ZNF578: variants seen among roughly 807,000 people sequenced by gnomAD.
ZNF578 encodes the protein Putative chemokine-related protein B42.
A neutral mutation model predicts 8.3 loss-of-function variants in ZNF578; 8 were observed. The observed-to-expected ratio is 0.96, with a 90% confidence interval of 0.56 to 1.74. The LOEUF is 1.74. Ranked by LOEUF, ZNF578 falls within the 40% of genes most tolerant of loss-of-function variation. ZNF578 has a pLI of 0.00. For missense variants in ZNF578, 726 were observed against 707.5 expected, an observed-to-expected ratio of 1.03 and a Z score of -0.30; for synonymous variants, 206 against 232.2, an observed-to-expected ratio of 0.89 and a Z score of 1.03.
At position 52,512,476 on chromosome 19, in the gene ZNF578, G is replaced by T; in HGVS notation, c.*322G>T. ...TTTCAGACATCGTTCATACCTTGCAGTTCATCAGTGAACTCATACTGGAGA... is the reference window on the plus strand; with the variant it reads ...TTTCAGACATCGTTCATACCTTGCATTTCATCAGTGAACTCATACTGGAGA... On this transcript the variant is annotated 3_prime_UTR_variant, in exon 6 of 6. Coordinates refer to ENST00000421239, the MANE Select transcript of ZNF578 (RefSeq NM_001099694.2). The T allele has an allele frequency of 7.9e-7, 1 of 1,260,972 alleles. No homozygotes were observed. Among genetic ancestry groups the T allele is most frequent in the Non-Finnish European group, 1.1e-6 (1 of 883,540 alleles). The allele number at this position is 1,260,972 out of a possible 1,614,324, so 78.1% of individuals were successfully genotyped here.
intron 2 of ZNF578, among the ~76,000 whole-genome samples, chr19:52,487,478 G>A (rs2059349582): frequency 6.6e-6 from 1 of 152,244 alleles, no homozygotes; most frequent in South Asian, 2.1e-4. Flanking sequence ...ATAAATCTTG[G>A]CATCAGAGGT....
chr19:52,467,386 G>A (rs113414058), intron 2 of ZNF578, among the ~76,000 whole-genome samples: 2 of 151,586 alleles, frequency 1.3e-5, no homozygotes, highest in Admixed American at 6.6e-5. Flanking sequence ...AGCTGAGATC[G>A]CACCACTGCA....
rs1411690666 is a variant in ZNF578, at chr19:52,516,818, ACT to A, written c.*4669_*4670del. 5.9e-5 allele frequency among the ~76,000 whole-genome samples: 9 copies of A among 151,844 alleles called. No homozygotes were observed. The highest frequency in any genetic ancestry group is 1.3e-4 in the Admixed American group (2 of 15,252). ...ATGATAATCCCACCATACTTTGCTG[ACT>A]CTCTTTTCACACTCAGCCCGCCTGC... On this transcript the variant is annotated 3_prime_UTR_variant, in exon 6 of 6. Coordinates refer to ENST00000421239, the MANE Select transcript of ZNF578 (RefSeq NM_001099694.2).
Position 52,513,810 on chromosome 19 carries a change from A to G in ZNF578, c.*1656A>G, listed in dbSNP as rs1435785330. ...GAAGACTGAAGTGAGTGGATCATCT[A>G]AGATCAGAGTTCAAGAGCACCCTGG... On this transcript the variant is annotated 3_prime_UTR_variant, in exon 6 of 6. Coordinates refer to ENST00000421239, the MANE Select transcript of ZNF578 (RefSeq NM_001099694.2). 1.3e-5 allele frequency among the ~76,000 whole-genome samples: 2 copies of G among 151,994 alleles called. No individual in the cohort carries two copies.
At chr19:52,496,362 C>T (rs2059386376) in intron 3 of ZNF578, among the ~76,000 whole-genome samples, 2 of 117,444 alleles carry the variant, frequency 1.7e-5, no homozygotes, top group East Asian at 4.2e-4. Context: ...CAGAGTCTCG[C>T]TCTGTCACCC....
rs72019256 is a variant in ZNF578, at chr19:52,498,684, C to CTTTTTTTTTTTTTTTTT, written c.-19-3142_-19-3126dup. On this transcript the variant is annotated intron_variant, in intron 3 of 5. Transcript: ENST00000421239. Reference sequence around the variant, plus strand: ...AGGAATGAGCCACCTCGCCTGGCCGCTTTTTTTTTTTTTTTTTGTAAGACA... The same window carrying CTTTTTTTTTTTTTTTTT: ...AGGAATGAGCCACCTCGCCTGGCCGCTTTTTTTTTTTTTTTTTTTTTTTTTTTTTTTTTTGTAAGACA... Among the ~76,000 whole-genome samples, 12 of 106,852 alleles carry CTTTTTTTTTTTTTTTTT rather than the reference C, an allele frequency of 1.1e-4. 1 individual carries two copies. Among genetic ancestry groups the CTTTTTTTTTTTTTTTTT allele is most frequent in the African/African-American group, 2.8e-4 (7 of 24,578 alleles). 70.1% of individuals were successfully genotyped at this position (106,852 alleles called of 152,430 possible).
intron 2 of ZNF578, among the ~76,000 whole-genome samples, chr19:52,464,096 C>T (rs189450842): frequency 2.4e-4 from 37 of 152,204 alleles, no homozygotes; most frequent in Admixed American, 5.2e-4. Flanking sequence ...CCAGCCTGTC[C>T]GGTTAAAATT....
intron 2 of ZNF578, among the ~76,000 whole-genome samples, chr19:52,459,711 A>ATGTG (rs1331070098): frequency 1.7e-4 from 1 of 5,928 alleles, no homozygotes; most frequent in African/African-American, 6.9e-4. Flanking sequence ...GTATATGTAG[A>ATGTG]TATGTGTGTG....
At chr19:52,495,568 A>G (rs436237) in intron 3 of ZNF578, among the ~76,000 whole-genome samples, 1,597 of 151,762 alleles carry the variant, frequency 0.011, 16 homozygotes, top group Non-Finnish European at 0.016. Flanking sequence ...GCTATGTATA[A>G]AATGATGGAG....
rs573182929 is a variant in ZNF578 at position 52,504,658 on chromosome 19, C to T, written c.67C>T (p.Arg23Cys). 4.8e-5 allele frequency: 78 copies of T among 1,613,906 alleles called. No individual in the cohort carries two copies. The East Asian group carries it at 1.5e-3, about 30-fold the overall frequency. Reference protein sequence around the residue: ...KEPGMALPQGRLTFRDVAIEF... With the variant: ...KEPGMALPQGCLTFRDVAIEF... The stretch of plus-strand genomic sequence containing the variant: ...TGAAATGTGTGTTTCATTTTAGGGA[C>T]GCTTGACTTTCAGGGATGTGGCTAT... The change falls in exon 5 of 6, where the codon CGC becomes TGC. Residue 23 changes from arginine to cysteine, a missense_variant. Physicochemically the swap from Arg to Cys is radical, Grantham distance 180. Transcript: ENST00000421239.
At chr19:52,501,943 C>G in intron 4 of ZNF578, 35 bp downstream of exon 4, 1 of 1,605,194 alleles carries the variant, frequency 6.2e-7, no homozygotes, top group Non-Finnish European at 8.5e-7. Context: ...TAATCTGTCT[C>G]TTTCCTTTCT....
chr19:52,497,783 A>C (rs1046422392), intron 3 of ZNF578, among the ~76,000 whole-genome samples: 1 of 152,200 alleles, frequency 6.6e-6, no homozygotes, highest in African/African-American at 2.4e-5. Context: ...AAATTTAGTT[A>C]AAGTAGCCTA....
chr19:52,478,786 TCA>T (rs1186817691), intron 2 of ZNF578, among the ~76,000 whole-genome samples: 3 of 152,120 alleles, frequency 2.0e-5, no homozygotes, highest in Non-Finnish European at 4.4e-5. Flanking sequence ...TGATCTCAGC[TCA>T]CTGCAACCTC....
intron 2 of ZNF578, among the ~76,000 whole-genome samples, chr19:52,482,222 G>C (rs1031211082): frequency 6.6e-6 from 1 of 152,142 alleles, no homozygotes; most frequent in African/African-American, 2.4e-5. Context: ...TAGTAGAGAC[G>C]GGGTTTCTTC....
chr19:52,502,948 A>G (rs750570609), intron 4 of ZNF578, among the ~76,000 whole-genome samples: 10 of 152,166 alleles, frequency 6.6e-5, no homozygotes, highest in African/African-American at 2.4e-4. Context: ...GCTGGAGTGC[A>G]ATGTCAGGAT....
At chr19:52,474,335 G>C (rs371465529) in intron 2 of ZNF578, 1 of 289,984 alleles carries the variant, frequency 3.4e-6, no homozygotes, top group South Asian at 3.4e-5. Flanking sequence ...CTTTTCTCTG[G>C]TATGAATTAT....
At chr19:52,488,783 G>GAA (rs112520451) in intron 2 of ZNF578, among the ~76,000 whole-genome samples, 5 of 139,160 alleles carry the variant, frequency 3.6e-5, no homozygotes, top group Admixed American at 7.3e-5. Flanking sequence ...GACGCCGTCT[G>GAA]AAAAAAAAAA....
chr19:52,497,486 G>T (rs2059391184), intron 3 of ZNF578, among the ~76,000 whole-genome samples: 1 of 152,210 alleles, frequency 6.6e-6, no homozygotes, highest in African/African-American at 2.4e-5. Flanking sequence ...CTCCCAAAGT[G>T]CTGGGATTAT....
intron 3 of ZNF578, among the ~76,000 whole-genome samples, chr19:52,494,056 G>T (rs1358526069): frequency 1.3e-5 from 2 of 151,904 alleles, no homozygotes; most frequent in Non-Finnish European, 2.9e-5. Flanking sequence ...AGTAATAGAG[G>T]GAAGAATGGA....
Sources: gnomAD v4.1 joint callset for allele counts (sites outside exome capture counted in the v4.1 genomes callset) on GRCh38, gnomAD v4.1.1 for gene constraint, MANE v1.5 for transcripts, NCBI Gene and HGNC (gene_info 2026-07-23, HGNC 2026-07-21) for gene names.